Variants in EPHA6 observed in about 807,000 individuals in gnomAD.
EPHA6 encodes the protein ephrin type-A receptor 6.
In EPHA6, 50 loss-of-function variants were observed where a neutral mutation model predicts 112.0. That is an observed-to-expected ratio of 0.45 (90% CI 0.36 to 0.56). The LOEUF (loss-of-function observed/expected upper bound fraction) is 0.56. EPHA6 is among the 20% of genes least tolerant of loss of function. The pLI is 0.00. For synonymous variants in EPHA6, 529 were observed against 490.7 expected, an observed-to-expected ratio of 1.08 and a Z score of -1.03; for missense variants, 1,280 against 1,417.4, an observed-to-expected ratio of 0.90 and a Z score of 1.56.
intron 2 of EPHA6, among the ~76,000 whole-genome samples, chr3:96,878,442 T>C (rs1170264110): frequency 6.6e-6 from 1 of 152,034 alleles, no homozygotes. Context: ...GCCATTATTA[T>C]CCTAATTTCA....
intron 6 of EPHA6, among the ~76,000 whole-genome samples, chr3:97,414,430 A>G (rs1319357197): frequency 6.6e-6 from 1 of 152,056 alleles, no homozygotes; most frequent in Non-Finnish European, 1.5e-5. Flanking sequence ...AACACCCTCA[A>G]GAAATGCATC....
intron 3 of EPHA6, among the ~76,000 whole-genome samples, chr3:97,187,347 G>T (rs1468992811): frequency 4.6e-5 from 7 of 151,962 alleles, no homozygotes; most frequent in Non-Finnish European, 8.8e-5. Flanking sequence ...GGAGGCTGAG[G>T]TCACTTGACA....
chr3:97,350,854 T>C (rs2108892791), intron 5 of EPHA6, among the ~76,000 whole-genome samples: 1 of 152,258 alleles, frequency 6.6e-6, no homozygotes, highest in East Asian at 1.9e-4. Context: ...CTCTTTTTTC[T>C]TGCTAACAGG....
chr3:97,296,049 G>A (rs1432528502), intron 5 of EPHA6, among the ~76,000 whole-genome samples: 1 of 152,190 alleles, frequency 6.6e-6, no homozygotes, highest in Non-Finnish European at 1.5e-5. Flanking sequence ...GGTTGGCCAG[G>A]CAGCTGTGTG....
intron 5 of EPHA6, among the ~76,000 whole-genome samples, chr3:97,325,144 G>A (rs1321387131): frequency 1.3e-5 from 2 of 152,046 alleles, no homozygotes; most frequent in Admixed American, 1.3e-4. Context: ...CTGTAAAATG[G>A]GGATAATAAT....
At chr3:97,041,461 T>G (rs2045312493) in intron 3 of EPHA6, among the ~76,000 whole-genome samples, 1 of 152,096 alleles carries the variant, frequency 6.6e-6, no homozygotes, top group African/African-American at 2.4e-5. Context: ...AATTTTGCCC[T>G]GTTATAACTC....
At chr3:97,374,880 C>T (rs1250524586) in intron 5 of EPHA6, among the ~76,000 whole-genome samples, 1 of 152,112 alleles carries the variant, frequency 6.6e-6, no homozygotes, top group Non-Finnish European at 1.5e-5. Context: ...TTTTTCCTAT[C>T]CTTTAATGAT....
intron 5 of EPHA6, among the ~76,000 whole-genome samples, chr3:97,328,079 A>ATATATATATATATATATAT (rs398038939): frequency 4.3e-5 from 6 of 138,612 alleles, no homozygotes; most frequent in African/African-American, 1.7e-4. Flanking sequence ...ATATATATAT[A>ATATATATATATATATATAT]ACCTGTTTTG....
intron 2 of EPHA6, among the ~76,000 whole-genome samples, chr3:96,961,757 T>A (rs1169027043): frequency 1.3e-5 from 2 of 152,162 alleles, no homozygotes; most frequent in Non-Finnish European, 2.9e-5. Context: ...TTGTTATCAT[T>A]TGGCCAGTGA....
At chr3:96,949,147 A>G (rs1333604742) in intron 2 of EPHA6, among the ~76,000 whole-genome samples, 1 of 152,190 alleles carries the variant, frequency 6.6e-6, no homozygotes, top group Admixed American at 6.5e-5. Context: ...CAGGTCGAAA[A>G]TAAATGAGAA....
intron 5 of EPHA6, among the ~76,000 whole-genome samples, chr3:97,270,858 G>T (rs1238046304): frequency 6.6e-6 from 1 of 152,140 alleles, no homozygotes; most frequent in African/African-American, 2.4e-5. Flanking sequence ...ATGAACAGTA[G>T]TTATCATTGT....
chr3:97,143,338 T>TAAC (rs2075958341), intron 3 of EPHA6, among the ~76,000 whole-genome samples: 1 of 151,714 alleles, frequency 6.6e-6, no homozygotes, highest in Non-Finnish European at 1.5e-5. Flanking sequence ...AAAATAATAA[T>TAAC]AACAGAAAAC....
chr3:97,466,775 T>A (rs1056922405), intron 7 of EPHA6, among the ~76,000 whole-genome samples: 11 of 152,076 alleles, frequency 7.2e-5, no homozygotes, highest in African/African-American at 2.6e-4. Flanking sequence ...CTTCCTTGCC[T>A]ATCTCTCCAA....
In EPHA6 at chr3:97,216,000, C is replaced by CA. The variant is rs566937809; in HGVS notation, c.1115-10260dup. Among the ~76,000 whole-genome samples, 400 of 152,000 alleles carry CA rather than the reference C, an allele frequency of 2.6e-3. 3 individuals are homozygous for CA. The highest frequency in any genetic ancestry group is 8.6e-3 in the African/African-American group (359 of 41,514). ...AATGTTTACTCTAACAAGAAGAAAG[C>CA]AAAAGAGAAAGGGAAAAGAAACTAC... On this transcript the variant is annotated intron_variant, in intron 3 of 17. Coordinates refer to ENST00000389672, the MANE Select transcript of EPHA6 (RefSeq NM_001080448.3).
intron 7 of EPHA6, 51 bp downstream of exon 7, chr3:97,448,781 A>G (rs1471535151): frequency 9.5e-6 from 15 of 1,578,864 alleles, no homozygotes; most frequent in South Asian, 6.7e-5. Context: ...GTATCATTCC[A>G]ATTTGACCTG....
At chr3:96,998,988 C>A (rs1255019857) in intron 3 of EPHA6, among the ~76,000 whole-genome samples, 1 of 151,748 alleles carries the variant, frequency 6.6e-6, no homozygotes, top group Non-Finnish European at 1.5e-5. Flanking sequence ...TTCGTTCTTA[C>A]TTTTTGTTTC....
intron 3 of EPHA6, among the ~76,000 whole-genome samples, chr3:97,098,197 A>G (rs748195578): frequency 3.6e-4 from 55 of 151,898 alleles, no homozygotes; most frequent in South Asian, 1.2e-3. Context: ...GTAGCTAGCA[A>G]GTGCTGGACC....
At chr3:97,301,491 AT>A (rs1038399758) in intron 5 of EPHA6, among the ~76,000 whole-genome samples, 54 of 152,156 alleles carry the variant, frequency 3.5e-4, no homozygotes, top group African/African-American at 1.3e-3. Flanking sequence ...TGAAATAATT[AT>A]TTTTCTCAAG....
intron 3 of EPHA6, among the ~76,000 whole-genome samples, chr3:97,133,629 A>G (rs981406660): frequency 6.6e-6 from 1 of 152,058 alleles, no homozygotes; most frequent in African/African-American, 2.4e-5. Context: ...TGTAAACTAT[A>G]TCTGAATATA....
Sources: allele counts gnomAD v4.1 joint callset (sites outside exome capture counted in the v4.1 genomes callset), GRCh38; gene constraint gnomAD v4.1.1; transcripts MANE v1.5; gene names NCBI Gene and HGNC (gene_info 2026-07-23, HGNC 2026-07-21).